The following POTEG variants were observed in gnomAD, a reference collection of about 807,000 sequenced individuals.
POTEG encodes POTE ankyrin domain family member G.
In POTEG, 2 loss-of-function variants were observed where a neutral mutation model predicts 49.6. The observed-to-expected ratio is 0.04, with a 90% confidence interval of 0.02 to 0.13. POTEG has a LOEUF of 0.13. Among genes scored for constraint, POTEG ranks in the 10% least tolerant of loss-of-function variants. The probability of loss-of-function intolerance (pLI) is 1.00; values close to 1 mark genes in which losing one functional copy is unlikely to be tolerated. For missense variants in POTEG, 26 were observed against 545.2 expected (o/e 0.05, Z 9.48); for synonymous variants, 7 against 186.6 (o/e 0.04, Z 7.84).
intron 9 of POTEG, among the ~76,000 whole-genome samples, chr14:19,409,149 AC>A (rs1344803997): frequency 6.5e-5 from 3 of 46,214 alleles, no homozygotes; most frequent in African/African-American, 3.2e-4. Flanking sequence ...TTCATTTAAT[AC>A]TTATTTATTA....
At chr14:19,426,314 C>A (rs1323198169) in intron 3 of POTEG, among the ~76,000 whole-genome samples, 1 of 138,028 alleles carries the variant, frequency 7.2e-6, no homozygotes, top group East Asian at 2.1e-4. Context: ...AACAGAATTT[C>A]TATCTGTATT....
rs1257993524 is a variant in POTEG at position 19,419,922 on chromosome 14, CCTA to C, written c.1126+1699_1126+1701del. Among the ~76,000 whole-genome samples the C allele has an allele frequency of 2.1e-5, 3 of 142,870 alleles. No individual in the cohort carries two copies. In the East Asian group the frequency reaches 6.1e-4, roughly 29 times the overall value. 93.7% of individuals were successfully genotyped at this position (142,870 alleles called of 152,430 possible). A position where few individuals can be genotyped will look rare whatever the true frequency, so the allele number is the denominator to read the frequency against. On this transcript the variant is annotated intron_variant, in intron 6 of 10. Coordinates refer to ENST00000547848, the MANE Select transcript of POTEG (RefSeq NM_001005356.3). ...ACTTCCCATGGCCCATGGGGTAAAA[CCTA>C]CTCATTTCTATAGTATTAAAAAGTC...
At chr14:19,414,933 A>G (rs1169444093) in intron 7 of POTEG, among the ~76,000 whole-genome samples, 18 of 133,220 alleles carry the variant, frequency 1.4e-4, no homozygotes, top group Non-Finnish European at 2.6e-4. Flanking sequence ...GTTATGTGTT[A>G]AATCTACCAA....
At chr14:19,432,363 T>G (rs61971029) in intron 1 of POTEG, among the ~76,000 whole-genome samples, 1,864 of 44,224 alleles carry the variant, frequency 0.042, 19 homozygotes, top group African/African-American at 0.05. Context: ...AAAAAGAAAT[T>G]TTGTATATAT....
At chr14:19,432,335 G>T (rs1479105065) in intron 1 of POTEG, among the ~76,000 whole-genome samples, 1 of 70,724 alleles carries the variant, frequency 1.4e-5, no homozygotes, top group Non-Finnish European at 2.8e-5. Flanking sequence ...GCAACAGAGT[G>T]AGACTCCATC....
At chr14:19,432,401 T>TATATATAC (rs1884181434) in intron 1 of POTEG, among the ~76,000 whole-genome samples, 1 of 69,368 alleles carries the variant, frequency 1.4e-5, no homozygotes, top group African/African-American at 4.7e-5. Flanking sequence ...TATATATATA[T>TATATATAC]ATACACACAC....
At chr14:19,406,673 GAA>G (rs1267810185) in intron 9 of POTEG, among the ~76,000 whole-genome samples, 3 of 151,074 alleles carry the variant, frequency 2.0e-5, no homozygotes, top group African/African-American at 4.9e-5. Context: ...AAGAAAATTT[GAA>G]AATTATGAAT....
At chr14:19,425,408 C>A (rs1471161034) in intron 4 of POTEG, among the ~76,000 whole-genome samples, 198 bp downstream of exon 4, 3 of 34,800 alleles carry the variant, frequency 8.6e-5, no homozygotes, top group African/African-American at 2.7e-4. Context: ...TAGCAAATAA[C>A]ATCAGTCAAT....
intron 6 of POTEG, among the ~76,000 whole-genome samples, chr14:19,419,834 G>T (rs1883681790): frequency 1.6e-5 from 2 of 121,446 alleles, no homozygotes; most frequent in Non-Finnish European, 3.3e-5. Flanking sequence ...AAACAACTCT[G>T]GTTCCTACTG....
At chr14:19,419,305 A>G (rs1458399996) in intron 6 of POTEG, among the ~76,000 whole-genome samples, 1 of 13,294 alleles carries the variant, frequency 7.5e-5, no homozygotes, top group Non-Finnish European at 1.2e-4. Flanking sequence ...TTGCTTACAT[A>G]TAATTCTGGT....
intron 8 of POTEG, 105 bp from the exon 9 acceptor site, chr14:19,413,625 TA>T (rs1883435990): frequency 1.7e-6 from 1 of 601,104 alleles, no homozygotes; most frequent in Non-Finnish European, 2.9e-6. Context: ...TTTTAGTCAT[TA>T]AAAACATTTC....
At chr14:19,420,254 TTCC>T (rs1302436978) in intron 6 of POTEG, among the ~76,000 whole-genome samples, 14 of 127,526 alleles carry the variant, frequency 1.1e-4, no homozygotes, top group African/African-American at 3.7e-4. Context: ...AAAATTTTCA[TTCC>T]TCATCACATA....
At chr14:19,415,868 C>T (rs1883542056) in intron 7 of POTEG, among the ~76,000 whole-genome samples, 1 of 94,932 alleles carries the variant, frequency 1.1e-5, no homozygotes, top group African/African-American at 4.3e-5. Flanking sequence ...TTTTTTGACA[C>T]AGAGTCTTGC....
At chr14:19,425,490 T>C (rs1883912735) in intron 4 of POTEG, 116 bp downstream of exon 4, 1 of 271,394 alleles carries the variant, frequency 3.7e-6, no homozygotes, top group African/African-American at 2.8e-5. Context: ...ACCGAACTGA[T>C]TTGTGTTCAT....
intron 1 of POTEG, among the ~76,000 whole-genome samples, chr14:19,432,445 T>TATAC (rs1491571785): frequency 1.8e-4 from 14 of 79,180 alleles, no homozygotes; most frequent in African/African-American, 3.0e-4. Context: ...TATATATATA[T>TATAC]ACATATATAT....
intron 1 of POTEG, among the ~76,000 whole-genome samples, chr14:19,433,075 C>T (rs28548696): frequency 0.094 from 8,661 of 91,784 alleles, 2 homozygotes; most frequent in East Asian, 0.17. Flanking sequence ...CAGGTGCCTG[C>T]CACCGCGTCC....
chr14:19,425,499 A>C lies in POTEG; in HGVS notation c.917+107T>G, dbSNP rs1883912989. The C allele has an allele frequency of 1.1e-5, 4 of 362,082 alleles. 1 individual carries two copies. Among genetic ancestry groups the C allele is most frequent in the African/African-American group, 1.0e-4 (4 of 39,408 alleles). The allele number at this position is 362,082 out of a possible 1,614,324, so 22.4% of individuals were successfully genotyped here. A position where few individuals can be genotyped will look rare whatever the true frequency, so the allele number is the denominator to read the frequency against. On this transcript the variant is annotated intron_variant, in intron 4 of 10. Coordinates refer to ENST00000547848, the MANE Select transcript of POTEG (RefSeq NM_001005356.3). The stretch of plus-strand genomic sequence containing the variant: ...TTTTCTACCGAACTGATTTGTGTTC[A>C]TACTGATCACTATATCCCAATAAGT...
intron 7 of POTEG, among the ~76,000 whole-genome samples, chr14:19,415,035 G>A (rs1466584643): frequency 6.9e-6 from 1 of 145,350 alleles, no homozygotes; most frequent in African/African-American, 2.5e-5. Context: ...AGCCCCCACA[G>A]TGCACTGAAG....
intron 1 of POTEG, among the ~76,000 whole-genome samples, chr14:19,432,403 T>TATACATAC (rs1330765784): frequency 2.2e-5 from 1 of 44,730 alleles, no homozygotes; most frequent in African/African-American, 8.5e-5. Context: ...TATATATATA[T>TATACATAC]ACACACACAT....
Sources: allele counts gnomAD v4.1 joint callset (sites outside exome capture counted in the v4.1 genomes callset), GRCh38; gene constraint gnomAD v4.1.1; transcripts MANE v1.5; gene names NCBI Gene and HGNC (gene_info 2026-07-23, HGNC 2026-07-21).